DLGAP2: variants seen among roughly 807,000 people sequenced by gnomAD.
DLGAP2 encodes the protein disks large-associated protein 2.
A neutral mutation model predicts 100.3 loss-of-function variants in DLGAP2; 26 were observed. The observed-to-expected ratio is 0.26, with a 90% CI of 0.19 to 0.36. DLGAP2 has a LOEUF of 0.36. DLGAP2 is among the 10% of genes least tolerant of loss of function. DLGAP2 has a pLI of 1.00. For synonymous variants in DLGAP2, 886 were observed against 630.1 expected (o/e 1.41, Z -6.08); for missense variants, 1,858 against 1,453.2 (o/e 1.28, Z -4.53).
At chr8:749,455 CTTG>C (rs1232827803) in intron 1 of DLGAP2, among the ~76,000 whole-genome samples, 1 of 151,836 alleles carries the variant, frequency 6.6e-6, no homozygotes, top group African/African-American at 2.4e-5. Flanking sequence ...TGGAAATTAC[CTTG>C]TTTTTTTTTC....
intron 3 of DLGAP2, among the ~76,000 whole-genome samples, chr8:1,321,229 A>T (rs902251438): frequency 1.4e-5 from 2 of 146,938 alleles, no homozygotes; most frequent in Non-Finnish European, 3.0e-5. Context: ...GTGTGTGTGC[A>T]TCTGTGTCTC....
At chr8:1,096,433 T>C (rs1272160640) in intron 2 of DLGAP2, among the ~76,000 whole-genome samples, 1 of 152,260 alleles carries the variant, frequency 6.6e-6, no homozygotes, top group East Asian at 1.9e-4. Flanking sequence ...ACTCAACCTC[T>C]GTGGCATGGA....
chr8:1,128,022 T>G (rs1273823344), intron 2 of DLGAP2, among the ~76,000 whole-genome samples: 3 of 152,264 alleles, frequency 2.0e-5, no homozygotes, highest in Non-Finnish European at 4.4e-5. Flanking sequence ...CATGTTTGCC[T>G]TTTTAGAAAA....
chr8:869,786 G>A (rs1797563707), intron 1 of DLGAP2, among the ~76,000 whole-genome samples: 1 of 152,198 alleles, frequency 6.6e-6, no homozygotes, highest in Non-Finnish European at 1.5e-5. Flanking sequence ...GAAGCTGGAT[G>A]TGGTGGTTTA....
chr8:1,264,990 G>C (rs903291080), intron 3 of DLGAP2, among the ~76,000 whole-genome samples: 2 of 152,098 alleles, frequency 1.3e-5, no homozygotes, highest in African/African-American at 4.8e-5. Flanking sequence ...CTCCTCCTTT[G>C]CCTTCCACCA....
intron 8 of DLGAP2, among the ~76,000 whole-genome samples, chr8:1,657,242 A>G (rs1166094821): frequency 6.6e-6 from 1 of 152,206 alleles, no homozygotes; most frequent in Non-Finnish European, 1.5e-5. Flanking sequence ...GTCTTGATTC[A>G]TCTTCTTTTT....
chr8:1,031,912 T>G (rs891072307), intron 2 of DLGAP2, among the ~76,000 whole-genome samples: 1 of 152,196 alleles, frequency 6.6e-6, no homozygotes, highest in Non-Finnish European at 1.5e-5. Context: ...GTCTCTCAGA[T>G]CTGGATCTTT....
At chr8:1,091,938 C>G (rs113021682) in intron 2 of DLGAP2, among the ~76,000 whole-genome samples, 180 of 152,292 alleles carry the variant, frequency 1.2e-3, no homozygotes, top group African/African-American at 4.1e-3. Flanking sequence ...GCGGCCCAGC[C>G]TCTGGGAGTT....
chr8:912,587 G>C (rs1248091026), intron 2 of DLGAP2, among the ~76,000 whole-genome samples: 1 of 151,996 alleles, frequency 6.6e-6, no homozygotes, highest in Non-Finnish European at 1.5e-5. Flanking sequence ...GTTGTCTCCA[G>C]CTCATTGGAG....
At chr8:1,367,175 C>G (rs536828297) in intron 3 of DLGAP2, among the ~76,000 whole-genome samples, 1 of 152,180 alleles carries the variant, frequency 6.6e-6, no homozygotes, top group African/African-American at 2.4e-5. Context: ...AACAGTTTAT[C>G]TTAGGAATGG....
At chr8:949,550 G>T (rs1584916439) in intron 2 of DLGAP2, among the ~76,000 whole-genome samples, 1 of 152,190 alleles carries the variant, frequency 6.6e-6, no homozygotes, top group East Asian at 1.9e-4. Flanking sequence ...GTGCCTGCCG[G>T]GGCAGGACCC....
intron 3 of DLGAP2, among the ~76,000 whole-genome samples, chr8:1,372,376 C>T (rs1166841142): frequency 6.6e-6 from 1 of 152,200 alleles, no homozygotes; most frequent in Non-Finnish European, 1.5e-5. Flanking sequence ...AGGGCCGACT[C>T]TGCAGGCGAG....
chr8:1,597,434 A>G (rs1796494027), intron 6 of DLGAP2, among the ~76,000 whole-genome samples: 1 of 151,926 alleles, frequency 6.6e-6, no homozygotes, highest in Non-Finnish European at 1.5e-5. Context: ...TGGGGATAGC[A>G]TGGAATCTGT....
chr8:779,259 G>C (rs1421118779), intron 1 of DLGAP2, among the ~76,000 whole-genome samples: 1 of 152,200 alleles, frequency 6.6e-6, no homozygotes, highest in Non-Finnish European at 1.5e-5. Context: ...CTAGTGAGAT[G>C]AACCTGGTAC....
intron 2 of DLGAP2, among the ~76,000 whole-genome samples, chr8:971,439 A>C (rs2129012290): frequency 6.6e-6 from 1 of 152,310 alleles, no homozygotes; most frequent in South Asian, 2.1e-4. Context: ...AATTGGAGCA[A>C]CCAGCAGATG....
At chr8:795,496 C>G (rs34458570) in intron 1 of DLGAP2, among the ~76,000 whole-genome samples, 70,281 of 152,114 alleles carry the variant, frequency 0.46, 17,029 homozygotes, top group African/African-American at 0.5. Context: ...AAATCTGGAC[C>G]AAATAAAGCA....
At chr8:1,470,035 G>T (rs1798736501) in intron 3 of DLGAP2, among the ~76,000 whole-genome samples, 1 of 151,538 alleles carries the variant, frequency 6.6e-6, no homozygotes, top group Non-Finnish European at 1.5e-5. Context: ...GGTGGTGTGT[G>T]CCTGCGATCC....
chr8:987,391 G>A (rs1187186352), intron 2 of DLGAP2, among the ~76,000 whole-genome samples: 3 of 152,146 alleles, frequency 2.0e-5, no homozygotes, highest in Admixed American at 1.3e-4. Flanking sequence ...TGTAGAAATC[G>A]TGTGGAAGGA....
At chr8:1,598,516 C>G (rs1242885545) in intron 6 of DLGAP2, among the ~76,000 whole-genome samples, 2 of 152,212 alleles carry the variant, frequency 1.3e-5, no homozygotes, top group East Asian at 3.9e-4. Context: ...TGTTGGTAGG[C>G]TATTAATTAC....
Sources: gnomAD v4.1 joint callset for allele counts (sites outside exome capture counted in the v4.1 genomes callset) on GRCh38, gnomAD v4.1.1 for gene constraint, MANE v1.5 for transcripts, NCBI Gene and HGNC (gene_info 2026-07-23, HGNC 2026-07-21) for gene names.